Variants in PATL2 observed in about 807,000 individuals in gnomAD.
PATL2 encodes PAT1 homolog 2.
In PATL2, 73 loss-of-function variants were observed where a neutral mutation model predicts 77.0. The ratio of observed to expected loss-of-function variants is 0.95; its 90% CI spans 0.78 to 1.15. The LOEUF (loss-of-function observed/expected upper bound fraction) is 1.15. Ranked by LOEUF, PATL2 falls within the 50% of genes most tolerant of loss-of-function variation. The pLI is 0.00. For missense variants in PATL2, 618 were observed against 655.4 expected, an observed-to-expected ratio of 0.94 and a Z score of 0.62; for synonymous variants, 265 against 257.1, an observed-to-expected ratio of 1.03 and a Z score of -0.29.
At chr15:44,694,658 C>T (rs1456439762) in intron 3 of PATL2, among the ~76,000 whole-genome samples, 2 of 152,172 alleles carry the variant, frequency 1.3e-5, no homozygotes, top group African/African-American at 2.4e-5. Context: ...CGAAATGAGT[C>T]AAGGAAACTT....
At chr15:44,680,888 C>T (rs1193994224) in intron 3 of PATL2, among the ~76,000 whole-genome samples, 1 of 152,174 alleles carries the variant, frequency 6.6e-6, no homozygotes, top group Non-Finnish European at 1.5e-5. Flanking sequence ...TCTGCAAATG[C>T]AGGGTCAAGA....
At chr15:44,700,678 GT>G (rs1364110831) in intron 3 of PATL2, among the ~76,000 whole-genome samples, 8 of 151,994 alleles carry the variant, frequency 5.3e-5, no homozygotes, top group South Asian at 2.1e-4. Context: ...GAGTCCTTAG[GT>G]TTTTTTCAAA....
intron 3 of PATL2, among the ~76,000 whole-genome samples, chr15:44,705,808 A>ATTTTTTTTTTTTTTT (rs1555390143): frequency 1.4e-4 from 8 of 56,590 alleles, no homozygotes; most frequent in African/African-American, 9.2e-4. Flanking sequence ...TCCTCAAAAC[A>ATTTTTTTTTTTTTTT]TTGTTTTTTT....
At chr15:44,668,620 T>C in intron 14 of PATL2, 138 bp from the exon 15 acceptor site, 1 of 1,098,302 alleles carries the variant, frequency 9.1e-7, no homozygotes, top group Non-Finnish European at 1.3e-6. Flanking sequence ...ATCACCACTA[T>C]GACTCTCCAT....
Position 44,666,440 on chromosome 15 carries a change from C to T in PATL2, c.1565G>A (p.Cys522Tyr). ...AFPSNLLPLF[C>Y]HHVDKQLVQQ... ...AACCAATTGTTTGTCCACGTGGTGA[C>T]AGAACAGGGGAAGTAGGTTGCTGGG... Residue 522 changes from cysteine (C) to tyrosine (Y), a missense_variant, in exon 17 of 18, where the codon TGT becomes TAT. Transcript: ENST00000682850. 6.4e-7 allele frequency: 1 copy of T among 1,551,680 alleles called. No homozygotes were observed. Among genetic ancestry groups the T allele is most frequent in the Non-Finnish European group, 8.7e-7 (1 of 1,146,984 alleles).
intron 16 of PATL2, 33 bp from the exon 17 acceptor site, chr15:44,666,574 G>C: frequency 6.8e-7 from 1 of 1,476,006 alleles, no homozygotes; most frequent in Non-Finnish European, 9.0e-7. Context: ...TAAGCAAATA[G>C]ATTTGCTTAA....
intron 5 of PATL2, 38 bp from the exon 6 acceptor site, chr15:44,674,268 C>A: frequency 2.8e-6 from 4 of 1,433,886 alleles, no homozygotes; most frequent in Non-Finnish European, 3.8e-6. Context: ...CTCAAATGGG[C>A]CCCTGTAGTG....
At position 44,668,352 on chromosome 15, in the gene PATL2, A is replaced by G. The variant is rs1024384230; in HGVS notation, c.1355T>C (p.Leu452Pro). 6.4e-7 allele frequency: 1 copy of G among 1,550,476 alleles called. No individual in the cohort carries two copies. Among genetic ancestry groups the G allele is most frequent in the African/African-American group, 1.4e-5 (1 of 73,012 alleles). ...GSSERPVTVV[L>P]QNQFGISLLY... ...TCCTAGACATGTTACCTGATTCTGA[A>G]GCACCACGGTGACTGGCCGCTCTGA... The change falls in exon 15 of 18, where the codon CTT becomes CCT. Residue 452 changes from leucine to proline, a missense_variant. Leu to Pro is a moderately conservative substitution (Grantham distance 98, BLOSUM62 -3). Transcript: ENST00000682850.
chr15:44,696,175 C>T (rs539975201), intron 3 of PATL2, among the ~76,000 whole-genome samples: 2 of 152,230 alleles, frequency 1.3e-5, no homozygotes, highest in African/African-American at 2.4e-5. Context: ...AGATGAAGAG[C>T]GAAGTACTAT....
At chr15:44,701,560 G>T (rs1349558810) in intron 3 of PATL2, among the ~76,000 whole-genome samples, 1 of 151,690 alleles carries the variant, frequency 6.6e-6, no homozygotes, top group East Asian at 1.9e-4. Flanking sequence ...GCTGGGTGTG[G>T]TGGTACATGC....
At chr15:44,683,207 C>G (rs1044260061) in intron 3 of PATL2, among the ~76,000 whole-genome samples, 2 of 151,916 alleles carry the variant, frequency 1.3e-5, no homozygotes, top group Admixed American at 1.3e-4. Flanking sequence ...TTTTTTCATA[C>G]CCCAGTGGCG....
At chr15:44,699,137 T>G (rs2086575629) in intron 3 of PATL2, among the ~76,000 whole-genome samples, 1 of 152,162 alleles carries the variant, frequency 6.6e-6, no homozygotes, top group Non-Finnish European at 1.5e-5. Flanking sequence ...ATTTTATATT[T>G]TTATTATTAA....
chr15:44,697,111 C>T (rs1258784073), intron 3 of PATL2, among the ~76,000 whole-genome samples: 1 of 151,940 alleles, frequency 6.6e-6, no homozygotes. Context: ...CCTCCTCCTC[C>T]TTCTCATCCT....
At position 44,675,586 on chromosome 15, in the gene PATL2, T is replaced by G; in HGVS notation, c.122A>C (p.Glu41Ala). The change falls in exon 5 of 18, where the codon GAG (glutamate) becomes GCG (alanine). Residue 41 changes from glutamate to alanine, a missense_variant. By Grantham distance (107) the Glu-to-Ala change is moderately radical (BLOSUM62 -1). Coordinates refer to ENST00000682850, the MANE Select transcript of PATL2 (RefSeq NM_001387263.1). ...ENEGEEEEEEEDEEDLDPDLD... is the reference protein window; with the variant it reads ...ENEGEEEEEEADEEDLDPDLD... Reference sequence around the variant, plus strand: ...ATCTGGGTCCAGATCCTCCTCGTCCTCCTCCTCTTCCTCCTCCTCCCCTTC... The same window carrying G: ...ATCTGGGTCCAGATCCTCCTCGTCCGCCTCCTCTTCCTCCTCCTCCCCTTC... 2 of 1,551,808 alleles carry G rather than the reference T, an allele frequency of 1.3e-6. No individual in the cohort carries two copies. The highest frequency in any genetic ancestry group is 1.7e-6 in the Non-Finnish European group (2 of 1,146,842).
chr15:44,690,317 A>G (rs1219114065), intron 3 of PATL2, among the ~76,000 whole-genome samples: 2 of 152,092 alleles, frequency 1.3e-5, no homozygotes, highest in Non-Finnish European at 2.9e-5. Flanking sequence ...TGGCAAATAT[A>G]AAACCACAAA....
At chr15:44,707,233 T>C (rs1461538616) in intron 3 of PATL2, among the ~76,000 whole-genome samples, 1 of 152,096 alleles carries the variant, frequency 6.6e-6, no homozygotes, top group Non-Finnish European at 1.5e-5. Flanking sequence ...AAGAGGCCAC[T>C]TGGTATTCTA....
At chr15:44,667,240 G>A (rs914109493) in intron 15 of PATL2, 37 bp from the exon 16 acceptor site, 50 of 1,448,390 alleles carry the variant, frequency 3.5e-5, no homozygotes, top group Non-Finnish European at 4.5e-5. Flanking sequence ...AGCAAAATGA[G>A]TTCACACTCG....
At chr15:44,708,104 C>T (rs375673853) in intron 3 of PATL2, among the ~76,000 whole-genome samples, 3 of 152,222 alleles carry the variant, frequency 2.0e-5, no homozygotes, top group East Asian at 1.9e-4. Context: ...CCGCTGCCGG[C>T]GAATGGGGGA....
chr15:44,676,497 A>AGGCT lies in PATL2; in HGVS notation c.-11_-8dup. The AGGCT allele has an allele frequency of 6.4e-7, 1 of 1,551,534 alleles. No individual in the cohort carries two copies. The highest frequency in any genetic ancestry group is 8.7e-7 in the Non-Finnish European group (1 of 1,146,850). ...TACCTTCAAGGCAATTCATCTTGGC[A>AGGCT]GGCTGGTGGACTTCCTTCTTAGCCG... is the stretch of plus-strand genomic sequence containing the variant. On this transcript the variant is annotated 5_prime_UTR_variant, in exon 4 of 18. Coordinates refer to ENST00000682850, the MANE Select transcript of PATL2 (RefSeq NM_001387263.1).
Sources: allele counts gnomAD v4.1 joint callset (sites outside exome capture counted in the v4.1 genomes callset), GRCh38; gene constraint gnomAD v4.1.1; transcripts MANE v1.5; gene names NCBI Gene and HGNC (gene_info 2026-07-23, HGNC 2026-07-21).